The following MAF variants were observed in gnomAD, a reference collection of about 807,000 sequenced individuals.
MAF encodes the protein MAF bZIP transcription factor.
MAF carries 10 observed loss-of-function variants against 22.0 expected under a neutral mutation model. The observed-to-expected ratio is 0.45, with a 90% CI of 0.28 to 0.77. MAF has a LOEUF of 0.77. MAF is among the 30% of genes least tolerant of loss of function. The probability of loss-of-function intolerance (pLI) is 0.12; values close to 1 mark genes in which losing one functional copy is unlikely to be tolerated. For missense variants in MAF, 544 were observed against 548.4 expected (o/e 0.99, Z 0.08); for synonymous variants, 337 against 255.8 (o/e 1.32, Z -3.03).
chr16:79,472,709 C>T, the MAF span, among the ~76,000 whole-genome samples: 3 of 151,968 alleles, frequency 2.0e-5, no homozygotes, highest in Admixed American at 1.3e-4. Flanking sequence ...GATGGTTGTA[C>T]AACTCTATAC....
At chr16:79,424,654 G>A in the MAF span, among the ~76,000 whole-genome samples, 1 of 152,186 alleles carries the variant, frequency 6.6e-6, no homozygotes, top group Admixed American at 6.5e-5. Flanking sequence ...AATTGCTGGA[G>A]TAGCCAGCTG....
At chr16:79,407,154 C>A in the MAF span, among the ~76,000 whole-genome samples, 1 of 152,164 alleles carries the variant, frequency 6.6e-6, no homozygotes, top group Non-Finnish European at 1.5e-5. Flanking sequence ...CCTGCACAGT[C>A]CTGAACATTA....
At chr16:79,477,893 T>G in the MAF span, among the ~76,000 whole-genome samples, 1 of 151,644 alleles carries the variant, frequency 6.6e-6, no homozygotes, top group African/African-American at 2.4e-5. Flanking sequence ...CCAGCTAATT[T>G]TTGTATTTTT....
chr16:79,550,314 C>T, the MAF span, among the ~76,000 whole-genome samples: 1 of 151,212 alleles, frequency 6.6e-6, no homozygotes, highest in Non-Finnish European at 1.5e-5. Flanking sequence ...AGAGGACACC[C>T]CTGCATAAAG....
chr16:79,250,977 C>T, the MAF span, among the ~76,000 whole-genome samples: 25 of 152,320 alleles, frequency 1.6e-4, no homozygotes, highest in African/African-American at 6.0e-4. Context: ...CCATCAGCAT[C>T]ATTGTAACAG....
chr16:79,319,267 G>A, the MAF span, among the ~76,000 whole-genome samples: 1 of 152,154 alleles, frequency 6.6e-6, no homozygotes, highest in Non-Finnish European at 1.5e-5. Context: ...AGAAACAATG[G>A]CTAATTAAGA....
chr16:79,519,590 C>T, the MAF span, among the ~76,000 whole-genome samples: 4 of 152,318 alleles, frequency 2.6e-5, no homozygotes, highest in Middle Eastern at 3.4e-3. Context: ...CGCTTGTCAT[C>T]GGTAACCATC....
the MAF span, among the ~76,000 whole-genome samples, chr16:79,535,490 A>C: frequency 6.6e-6 from 1 of 151,464 alleles, no homozygotes; most frequent in Admixed American, 6.6e-5. Context: ...CCAGGAAGGA[A>C]AGGAAATATT....
chr16:79,328,929 A>G, the MAF span, among the ~76,000 whole-genome samples: 3 of 152,194 alleles, frequency 2.0e-5, no homozygotes, highest in Non-Finnish European at 2.9e-5. Context: ...AACTGGGTGC[A>G]GAATCTGGTA....
the MAF span, among the ~76,000 whole-genome samples, chr16:79,538,110 T>C: frequency 4.6e-5 from 7 of 152,338 alleles, no homozygotes; most frequent in Non-Finnish European, 8.8e-5. Context: ...TCCTTTTCAC[T>C]TCAAAAACAA....
the MAF span, among the ~76,000 whole-genome samples, chr16:79,430,357 G>T: frequency 6.6e-6 from 1 of 152,174 alleles, no homozygotes; most frequent in South Asian, 2.1e-4. Context: ...GGGTCTTCCC[G>T]TCAAGACAAC....
chr16:79,420,064 A>G, the MAF span, among the ~76,000 whole-genome samples: 2 of 151,960 alleles, frequency 1.3e-5, no homozygotes, highest in African/African-American at 2.4e-5. Flanking sequence ...TCAAGTAAAC[A>G]TACTGCAAAA....
the MAF span, among the ~76,000 whole-genome samples, chr16:79,309,434 A>T: frequency 4.4e-4 from 67 of 152,338 alleles, no homozygotes; most frequent in African/African-American, 1.5e-3. Flanking sequence ...TTTCTGCTAC[A>T]CGCTGAGCAA....
the MAF span, among the ~76,000 whole-genome samples, chr16:79,261,650 G>A: frequency 5.9e-5 from 9 of 152,186 alleles, no homozygotes; most frequent in South Asian, 2.1e-4. Context: ...GCAGAGGGAC[G>A]GCCTGCCCCG....
the MAF span, among the ~76,000 whole-genome samples, chr16:79,332,988 G>A: frequency 3.9e-5 from 6 of 152,320 alleles, no homozygotes; most frequent in South Asian, 8.3e-4. Flanking sequence ...CCCTGTCTCC[G>A]GGCCACTGGC....
the MAF span, among the ~76,000 whole-genome samples, chr16:79,441,885 C>A: frequency 6.6e-6 from 1 of 152,080 alleles, no homozygotes; most frequent in African/African-American, 2.4e-5. Context: ...TTAGGGTGGG[C>A]CTTAAATCCG....
the MAF span, among the ~76,000 whole-genome samples, chr16:79,536,073 C>G: frequency 1.3e-5 from 2 of 152,280 alleles, no homozygotes; most frequent in African/African-American, 4.8e-5. Context: ...AAATACTTAA[C>G]CAGACAGATA....
chr16:79,493,899 T>C, the MAF span, among the ~76,000 whole-genome samples: 1 of 150,818 alleles, frequency 6.6e-6, no homozygotes, highest in Non-Finnish European at 1.5e-5. Flanking sequence ...TGTGTATTCA[T>C]GGAACTGGTT....
At chr16:79,430,128 C>T in the MAF span, among the ~76,000 whole-genome samples, 1 of 152,202 alleles carries the variant, frequency 6.6e-6, no homozygotes, top group Non-Finnish European at 1.5e-5. Context: ...CGCTTCAGCT[C>T]TCCACTCACT....
Sources: gnomAD v4.1 joint callset for allele counts (sites outside exome capture counted in the v4.1 genomes callset) on GRCh38, gnomAD v4.1.1 for gene constraint, MANE v1.5 for transcripts, NCBI Gene and HGNC (gene_info 2026-07-23, HGNC 2026-07-21) for gene names.